Variants in DLG1 observed in about 807,000 individuals in gnomAD.
DLG1 encodes disks large homolog 1.
DLG1 carries 42 observed loss-of-function variants against 123.4 expected under a neutral mutation model. The ratio of observed to expected loss-of-function variants is 0.34; its 90% CI spans 0.27 to 0.44. The LOEUF (loss-of-function observed/expected upper bound fraction) is 0.44, where lower values mean the gene tolerates loss of function less well. DLG1 is among the 20% of genes least tolerant of loss of function. The probability of loss-of-function intolerance (pLI) is 1.00; values close to 1 mark genes in which losing one functional copy is unlikely to be tolerated. For missense variants in DLG1, 942 were observed against 1,082.6 expected, an observed-to-expected ratio of 0.87 and a Z score of 1.82; for synonymous variants, 317 against 356.2, an observed-to-expected ratio of 0.89 and a Z score of 1.24.
intron 23 of DLG1, among the ~76,000 whole-genome samples, chr3:197,053,711 T>G (rs947920315): frequency 1.3e-5 from 2 of 149,210 alleles, no homozygotes; most frequent in Non-Finnish European, 3.0e-5. Context: ...GGCAGAGAGG[T>G]TGCAGTGAGC....
intron 23 of DLG1, 26 bp from the exon 24 acceptor site, chr3:197,051,694 T>C (rs919828966): frequency 1.3e-6 from 2 of 1,538,008 alleles, no homozygotes; most frequent in Admixed American, 1.7e-5. Context: ...TAGAAATTGA[T>C]AATTACCAAA....
intron 4 of DLG1, among the ~76,000 whole-genome samples, chr3:197,196,530 G>C (rs1722612823): frequency 6.6e-6 from 1 of 152,152 alleles, no homozygotes; most frequent in Admixed American, 6.5e-5. Flanking sequence ...GAAATGTGGT[G>C]CCATCTTTTG....
At chr3:197,251,470 A>T (rs1754432390) in intron 4 of DLG1, among the ~76,000 whole-genome samples, 1 of 152,190 alleles carries the variant, frequency 6.6e-6, no homozygotes, top group Non-Finnish European at 1.5e-5. Flanking sequence ...AAAAGAATCC[A>T]GGTATAAATT....
At chr3:197,190,732 C>T (rs538846638) in intron 5 of DLG1, among the ~76,000 whole-genome samples, 26 of 152,274 alleles carry the variant, frequency 1.7e-4, no homozygotes, top group Middle Eastern at 3.4e-3. Flanking sequence ...TTTTGTCGGC[C>T]GGGCGCGGTG....
At chr3:197,054,872 A>G (rs1730575689) in intron 23 of DLG1, among the ~76,000 whole-genome samples, 2 of 151,546 alleles carry the variant, frequency 1.3e-5, no homozygotes, top group South Asian at 4.2e-4. Flanking sequence ...CTGGGGTGCA[A>G]TGGTATGGTC....
At chr3:197,296,929 T>G in intron 2 of DLG1, 1 of 492,332 alleles carries the variant, frequency 2.0e-6, no homozygotes, top group Non-Finnish European at 3.6e-6. Context: ...AAAACACCAA[T>G]TCAGGGTTAT....
intron 13 of DLG1, among the ~76,000 whole-genome samples, chr3:197,105,492 G>A (rs1015796980): frequency 1.3e-5 from 2 of 152,134 alleles, no homozygotes; most frequent in Admixed American, 6.5e-5. Context: ...TAATAGGAAA[G>A]CTATTATTTA....
At chr3:197,224,893 T>C (rs1168209887) in intron 4 of DLG1, among the ~76,000 whole-genome samples, 1 of 152,198 alleles carries the variant, frequency 6.6e-6, no homozygotes, top group Non-Finnish European at 1.5e-5. Flanking sequence ...AATAAGTAAT[T>C]ATTCCCCCAA....
intron 18 of DLG1, among the ~76,000 whole-genome samples, chr3:197,075,352 A>G (rs991594301): frequency 7.0e-6 from 1 of 143,584 alleles, no homozygotes; most frequent in African/African-American, 2.5e-5. Flanking sequence ...GAGATACACA[A>G]CCTATCCCCT....
chr3:197,262,600 T>C (rs1162877352), intron 4 of DLG1, among the ~76,000 whole-genome samples: 2 of 152,204 alleles, frequency 1.3e-5, no homozygotes, highest in Non-Finnish European at 2.9e-5. Flanking sequence ...GGGGGCAGTC[T>C]TGTGGGGCTG....
chr3:197,175,557 T>C (rs1417253510), intron 5 of DLG1, among the ~76,000 whole-genome samples: 2 of 152,198 alleles, frequency 1.3e-5, no homozygotes, highest in African/African-American at 4.8e-5. Context: ...AAATTTACAG[T>C]GATCCAACAA....
intron 15 of DLG1, 82 bp from the exon 16 acceptor site, chr3:197,085,838 T>G: frequency 7.5e-7 from 1 of 1,338,660 alleles, no homozygotes; most frequent in Non-Finnish European, 1.0e-6. Context: ...GTATATGTAA[T>G]TTGGGTAATT....
intron 4 of DLG1, among the ~76,000 whole-genome samples, chr3:197,248,496 A>G (rs1341881311): frequency 2.0e-5 from 3 of 152,226 alleles, no homozygotes; most frequent in Admixed American, 2.0e-4. Context: ...TCAAAGTCAC[A>G]AAGAAAATGA....
At chr3:197,149,274 T>C (rs549109039) in intron 6 of DLG1, among the ~76,000 whole-genome samples, 1 of 152,312 alleles carries the variant, frequency 6.6e-6, no homozygotes, top group Admixed American at 6.5e-5. Context: ...GATTTATCTA[T>C]TCTGGAACTT....
At chr3:197,256,689 G>A (rs1477364798) in intron 4 of DLG1, among the ~76,000 whole-genome samples, 1 of 152,124 alleles carries the variant, frequency 6.6e-6, no homozygotes, top group African/African-American at 2.4e-5. Context: ...TTAGAAAAAT[G>A]TATCTTTACC....
At chr3:197,162,544 T>C (rs1170205624) in intron 5 of DLG1, among the ~76,000 whole-genome samples, 1 of 152,168 alleles carries the variant, frequency 6.6e-6, no homozygotes, top group African/African-American at 2.4e-5. Context: ...TCTTCATTCA[T>C]AAATGCAAAA....
intron 6 of DLG1, among the ~76,000 whole-genome samples, chr3:197,148,431 A>AAG (rs1350222418): frequency 4.5e-4 from 67 of 149,736 alleles, no homozygotes; most frequent in African/African-American, 1.6e-3. Flanking sequence ...AAAAAAAAAA[A>AAG]AGAGAGAGAA....
chr3:197,251,922 C>T, intron 4 of DLG1, among the ~76,000 whole-genome samples: 1 of 152,126 alleles, frequency 6.6e-6, no homozygotes, highest in Non-Finnish European at 1.5e-5. Flanking sequence ...GAAACAATGC[C>T]CAGTACATGG....
intron 14 of DLG1, among the ~76,000 whole-genome samples, chr3:197,094,272 A>G (rs1759396209): frequency 1.3e-5 from 2 of 152,150 alleles, no homozygotes; most frequent in African/African-American, 2.4e-5. Flanking sequence ...AACCTATTAA[A>G]AGGCTGTTTT....
Sources: allele counts gnomAD v4.1 joint callset (sites outside exome capture counted in the v4.1 genomes callset), GRCh38; gene constraint gnomAD v4.1.1; transcripts MANE v1.5; gene names NCBI Gene and HGNC (gene_info 2026-07-23, HGNC 2026-07-21).